ELP1: variants seen among roughly 807,000 people sequenced by gnomAD.
The protein encoded by ELP1 is elongator acetyltransferase complex subunit 1.
In ELP1, 131 loss-of-function variants were observed where a neutral mutation model predicts 183.2. The observed-to-expected ratio is 0.72, with a 90% CI of 0.62 to 0.83. The LOEUF (loss-of-function observed/expected upper bound fraction) is 0.83, where lower values mean the gene tolerates loss of function less well. Ranked by LOEUF, ELP1 falls within the 40% of genes least tolerant of loss-of-function variation. The pLI is 0.00. For missense variants in ELP1, 1,550 were observed against 1,594.9 expected (o/e 0.97, Z 0.48); for synonymous variants, 555 against 569.0 (o/e 0.98, Z 0.35).
chr9:108,911,114 A>G lies in ELP1; in HGVS notation c.1256T>C (p.Leu419Pro), dbSNP rs1554699019. Reference sequence around the variant, plus strand: ...GACTTGATTCACAGGGTGTGGGAACAGCAGTTGGTAGGTGCACATGGGAGG... The same window carrying G: ...GACTTGATTCACAGGGTGTGGGAACGGCAGTTGGTAGGTGCACATGGGAGG... ...VPPPMCTYQL[L>P]FPHPVNQVTF... The change falls in exon 12 of 37, where the codon CTG becomes CCG. Residue 419 changes from leucine to proline, a missense_variant. Physicochemically the swap from Leu to Pro is moderately conservative, Grantham distance 98. Transcript: ENST00000374647. The G allele has an allele frequency of 1.2e-6, 2 of 1,614,164 alleles. No homozygotes were observed. The highest frequency in any genetic ancestry group is 2.2e-5 in the East Asian group (1 of 44,886).
chr9:108,912,363 G>A lies in ELP1; in HGVS notation c.1090C>T (p.Gln364Ter). 1 of 1,614,166 alleles carries A rather than the reference G, an allele frequency of 6.2e-7. No homozygotes were observed. The change falls in exon 11 of 37, where the codon CAG (glutamine) becomes TAG (stop). Residue 364 changes from glutamine to a stop codon, truncating the protein, a stop_gained. Coordinates refer to ENST00000374647, the MANE Select transcript of ELP1 (RefSeq NM_003640.5). LOFTEE classifies it high-confidence loss of function. ...TCATAGGCGAGGTAATGCCAGCCCT[G>A]ACAGAGAACATGCAGCCGGTATGGG... ...VTPYRLHVLC[Q>*]GWHYLAYDWH...
At chr9:108,888,523 C>T (rs1016490382) in intron 29 of ELP1, among the ~76,000 whole-genome samples, 37 of 152,238 alleles carry the variant, frequency 2.4e-4, no homozygotes, top group African/African-American at 8.2e-4. Flanking sequence ...TTAATTAACC[C>T]TCGATGTGGT....
rs777736960 is a variant in ELP1 at position 108,908,419 on chromosome 9, T to C, written c.1361-15A>G. On this transcript the variant is annotated splice_polypyrimidine_tract_variant and intron_variant, in intron 12 of 36. Coordinates refer to ENST00000374647, the MANE Select transcript of ELP1 (RefSeq NM_003640.5). ...TGGACAATCACCTGGAAAACAAAAA[T>C]GCAAATATTATCATCGTAAATTATA... 16 of 1,585,482 alleles carry C rather than the reference T, an allele frequency of 1.0e-5. No homozygotes were observed. The highest frequency in any genetic ancestry group is 2.2e-5 in the East Asian group (1 of 44,744).
chr9:108,898,631 T>C, intron 21 of ELP1, 40 bp downstream of exon 21: 4 of 1,600,796 alleles, frequency 2.5e-6, no homozygotes, highest in Non-Finnish European at 3.4e-6. Flanking sequence ...TTAGTTTAAG[T>C]ACAAAGTAAG....
chr9:108,870,651 C>T (rs888623706), intron 36 of ELP1, among the ~76,000 whole-genome samples: 1 of 152,108 alleles, frequency 6.6e-6, no homozygotes, highest in Non-Finnish European at 1.5e-5. Context: ...CAGAAATACA[C>T]CATAATTTCT....
chr9:108,891,423 T>C lies in ELP1; in HGVS notation c.2959-19A>G. 3 of 1,607,050 alleles carry C rather than the reference T, an allele frequency of 1.9e-6. No homozygotes were observed. Among genetic ancestry groups the C allele is most frequent in the Non-Finnish European group, 2.6e-6 (3 of 1,174,782 alleles). On this transcript the variant is annotated intron_variant, in intron 27 of 36. Transcript: ENST00000374647. Reference sequence around the variant, plus strand: ...TGATATCCTGTGACAAGAGGAGATTTAGGACTGAGGAGGAAATATGACAAT... The same window carrying C: ...TGATATCCTGTGACAAGAGGAGATTCAGGACTGAGGAGGAAATATGACAAT...
chr9:108,898,117 G>A (rs1028104212), intron 22 of ELP1, among the ~76,000 whole-genome samples: 4 of 152,140 alleles, frequency 2.6e-5, no homozygotes, highest in African/African-American at 9.7e-5. Context: ...TCCAGGTGGG[G>A]TATATATAGG....
At chr9:108,909,351 T>C (rs1309544589) in intron 12 of ELP1, among the ~76,000 whole-genome samples, 1 of 152,150 alleles carries the variant, frequency 6.6e-6, no homozygotes, top group Non-Finnish European at 1.5e-5. Flanking sequence ...GAAAAAAGCC[T>C]GGCATATAAT....
intron 28 of ELP1, 87 bp from the exon 29 acceptor site, chr9:108,889,480 G>A (rs1828243576): frequency 1.7e-6 from 2 of 1,189,138 alleles, no homozygotes. Context: ...TATTATGTAT[G>A]AAACTATGTA....
chr9:108,900,142 G>A, intron 19 of ELP1, 118 bp downstream of exon 19: 2 of 840,904 alleles, frequency 2.4e-6, no homozygotes, highest in South Asian at 2.9e-5. Context: ...ATCAAGGAAA[G>A]GTTTACAATA....
At chr9:108,875,316 A>AT (rs1564209245) in intron 35 of ELP1, among the ~76,000 whole-genome samples, 1 of 152,280 alleles carries the variant, frequency 6.6e-6, no homozygotes, top group Non-Finnish European at 1.5e-5. Context: ...TAGAGTATCA[A>AT]TTATACGCAA....
chr9:108,890,436 CTT>C (rs1016555737), intron 28 of ELP1, among the ~76,000 whole-genome samples: 11 of 151,984 alleles, frequency 7.2e-5, no homozygotes, highest in Non-Finnish European at 1.5e-4. Context: ...TTATTTTTTT[CTT>C]TGAGATCTCA....
intron 3 of ELP1, 140 bp from the exon 4 acceptor site, chr9:108,927,593 G>A (rs1177328102): frequency 4.1e-6 from 3 of 724,476 alleles, no homozygotes; most frequent in Admixed American, 4.1e-5. Flanking sequence ...TCTCATGTTT[G>A]TTGCAGCTCT....
Position 108,870,969 on chromosome 9 carries a change from A to ATTTT in ELP1, c.3932-1791_3932-1788dup, listed in dbSNP as rs33952302. Reference sequence around the variant, plus strand: ...CCTATCTTGAAATCCTTCATGCACCATTTTTTTTTTTTTTTTTTTTTTTTG... The same window carrying ATTTT: ...CCTATCTTGAAATCCTTCATGCACCATTTTTTTTTTTTTTTTTTTTTTTTTTTTG... On this transcript the variant is annotated intron_variant, in intron 36 of 36. Transcript: ENST00000374647. 6.9e-3 allele frequency among the ~76,000 whole-genome samples: 574 copies of ATTTT among 83,572 alleles called. 13 individuals carry two copies. The highest frequency in any genetic ancestry group is 0.012 in the Middle Eastern group (1 of 82). 54.8% of individuals were successfully genotyped at this position (83,572 alleles called of 152,430 possible).
chr9:108,919,001 T>C, intron 7 of ELP1, 100 bp from the exon 8 acceptor site: 1 of 943,244 alleles, frequency 1.1e-6, no homozygotes, highest in South Asian at 1.4e-5. Context: ...AAATAAAAAC[T>C]GCCATGGTTT....
chr9:108,875,070 T>C (rs1827655410), intron 35 of ELP1, 100 bp from the exon 36 acceptor site: 1 of 798,600 alleles, frequency 1.3e-6, no homozygotes, highest in Admixed American at 1.7e-5. Flanking sequence ...CAGCCTGTCA[T>C]TTCTACTGGT....
intron 29 of ELP1, among the ~76,000 whole-genome samples, chr9:108,883,072 T>C (rs1827992824): frequency 6.6e-6 from 1 of 152,208 alleles, no homozygotes; most frequent in Non-Finnish European, 1.5e-5. Context: ...AATTTATCAA[T>C]TTATTGATTG....
Position 108,897,028 on chromosome 9 carries a change from A to G in ELP1, c.2512T>C (p.Ser838Pro). ...TTCTTTACATGAGATGTAAGTATGGATAGGCAGTATCTGAGGTAATAAGTG... is the reference window on the plus strand; with the variant it reads ...TTCTTTACATGAGATGTAAGTATGGGTAGGCAGTATCTGAGGTAATAAGTG... ...ESINPHKYCL[S>P]ILTSHVKKTT... The change falls in exon 24 of 37, where the codon TCC (serine) becomes CCC (proline). Residue 838 changes from serine (S) to proline (P), a missense_variant. By Grantham distance (74) the Ser-to-Pro change is moderately conservative. Coordinates refer to ENST00000374647, the MANE Select transcript of ELP1 (RefSeq NM_003640.5). The G allele has an allele frequency of 1.2e-6, 2 of 1,613,962 alleles. No homozygotes were observed. Among genetic ancestry groups the G allele is most frequent in the Non-Finnish European group, 1.7e-6 (2 of 1,179,874 alleles).
rs1827303591 is a variant in ELP1 at position 108,868,095 on chromosome 9, A to G, written c.*1020T>C. 1 of 152,222 alleles carries G rather than the reference A, an allele frequency of 6.6e-6. No individual in the cohort carries two copies. The highest frequency in any genetic ancestry group is 2.4e-5 in the African/African-American group (1 of 41,454). 9.4% of individuals were successfully genotyped at this position (152,222 alleles called of 1,614,324 possible). On this transcript the variant is annotated 3_prime_UTR_variant, in exon 37 of 37. Coordinates refer to ENST00000374647, the MANE Select transcript of ELP1 (RefSeq NM_003640.5). The stretch of plus-strand genomic sequence containing the variant: ...GTAATGAGTGAGTTTTCACTCTATT[A>G]GTTCCTTTGAAAGCTGGTTGTTGTT...
Sources: allele counts gnomAD v4.1 joint callset (sites outside exome capture counted in the v4.1 genomes callset), GRCh38; gene constraint gnomAD v4.1.1; transcripts MANE v1.5; gene names NCBI Gene and HGNC (gene_info 2026-07-23, HGNC 2026-07-21).